Variants in NAV3 observed in about 807,000 individuals in gnomAD.
NAV3 encodes the protein neuron navigator 3, also known as pore membrane and/or filament interacting like protein 1.
NAV3 carries 87 observed loss-of-function variants against 244.7 expected under a neutral mutation model. The observed-to-expected ratio is 0.36, with a 90% CI of 0.30 to 0.42. The LOEUF is 0.42. Among genes scored for constraint, NAV3 ranks in the 20% least tolerant of loss-of-function variants. NAV3 has a pLI of 1.00. For synonymous variants in NAV3, 1,126 were observed against 1,042.2 expected (o/e 1.08, Z -1.55); for missense variants, 2,663 against 2,893.3 (o/e 0.92, Z 1.83).
chr12:78,002,266 C>T (rs903931383), intron 7 of NAV3, among the ~76,000 whole-genome samples: 1 of 152,088 alleles, frequency 6.6e-6, no homozygotes, highest in Non-Finnish European at 1.5e-5. Context: ...AGGTGTTTTT[C>T]CATGTTGCTA....
chr12:78,063,970 A>G (rs1884648821), intron 12 of NAV3, among the ~76,000 whole-genome samples: 1 of 152,178 alleles, frequency 6.6e-6, no homozygotes. Context: ...ATTTCATTTC[A>G]AGGCAAAAGC....
At chr12:77,987,165 C>T (rs1274679679) in intron 5 of NAV3, among the ~76,000 whole-genome samples, 2 of 152,084 alleles carry the variant, frequency 1.3e-5, no homozygotes, top group Non-Finnish European at 2.9e-5. Flanking sequence ...TTGAAGAGAT[C>T]ATATTCTGTA....
chr12:77,769,405 A>G (rs578129762), intron 2 of NAV3, among the ~76,000 whole-genome samples: 51 of 152,342 alleles, frequency 3.3e-4, no homozygotes, highest in African/African-American at 1.1e-3. Context: ...TGGTCATGCA[A>G]TCTGTCAGAA....
At chr12:77,781,029 C>T (rs748687975) in intron 2 of NAV3, among the ~76,000 whole-genome samples, 1 of 152,126 alleles carries the variant, frequency 6.6e-6, no homozygotes, top group Non-Finnish European at 1.5e-5. Flanking sequence ...ATAACAATAA[C>T]CACACATTTA....
chr12:78,027,415 G>A (rs1211062809), intron 9 of NAV3, among the ~76,000 whole-genome samples: 1 of 147,644 alleles, frequency 6.8e-6, no homozygotes, highest in African/African-American at 2.5e-5. Context: ...CTGCACTCAA[G>A]CCTGGGTGAC....
chr12:77,807,979 A>G (rs1872072104), intron 2 of NAV3, among the ~76,000 whole-genome samples: 2 of 152,034 alleles, frequency 1.3e-5, no homozygotes, highest in Non-Finnish European at 2.9e-5. Flanking sequence ...CTATTGATAC[A>G]TGTATATGCT....
intron 1 of NAV3, among the ~76,000 whole-genome samples, chr12:77,897,047 C>T (rs140738488): frequency 2.3e-3 from 355 of 152,264 alleles, no homozygotes; most frequent in African/African-American, 7.8e-3. Flanking sequence ...AATCTCAGAT[C>T]CTGCTCCAGA....
At chr12:77,624,496 T>A (rs1047495404) in intron 2 of NAV3, among the ~76,000 whole-genome samples, 5 of 151,944 alleles carry the variant, frequency 3.3e-5, no homozygotes, top group Non-Finnish European at 4.4e-5. Flanking sequence ...TACTCTATAT[T>A]AAAAAGCCTG....
chr12:78,068,309 T>C (rs1314905685), intron 12 of NAV3, among the ~76,000 whole-genome samples: 1 of 151,750 alleles, frequency 6.6e-6, no homozygotes, highest in Admixed American at 6.6e-5. Flanking sequence ...AATTATTAAT[T>C]TAGATAAAGG....
chr12:78,127,402 A>C (rs530705655), intron 17 of NAV3, among the ~76,000 whole-genome samples, 194 bp downstream of exon 17: 1 of 152,290 alleles, frequency 6.6e-6, no homozygotes, highest in Non-Finnish European at 1.5e-5. Context: ...GTAGAGATTG[A>C]GGCTGTCTCT....
At chr12:78,140,481 AT>A in intron 20 of NAV3, 147 bp downstream of exon 20, 1 of 687,714 alleles carries the variant, frequency 1.5e-6, no homozygotes, top group Non-Finnish European at 2.5e-6. Flanking sequence ...AAGCTGCCCA[AT>A]ACCCAATAAA....
At chr12:78,181,847 A>G (rs1593940197) in intron 30 of NAV3, among the ~76,000 whole-genome samples, 1 of 152,012 alleles carries the variant, frequency 6.6e-6, no homozygotes, top group Non-Finnish European at 1.5e-5. Flanking sequence ...ATTAAAATAC[A>G]GAAGGAGAAG....
rs74107953 is a variant in NAV3, at chr12:78,121,125, G to A, written c.3750-815G>A. On this transcript the variant is annotated intron_variant, in intron 15 of 39. Transcript: ENST00000397909. ...TTCGTCATAAAATATTTCACTGTAGGAAATATGGATTTCATTGCAACTCAA... is the reference window on the plus strand; with the variant it reads ...TTCGTCATAAAATATTTCACTGTAGAAAATATGGATTTCATTGCAACTCAA... Among the ~76,000 whole-genome samples, 467 of 152,186 alleles carry A rather than the reference G, an allele frequency of 3.1e-3. 3 individuals are homozygous for A. The highest frequency in any genetic ancestry group is 0.01 in the African/African-American group (430 of 41,518).
At chr12:77,962,616 A>G (rs959022571) in intron 3 of NAV3, among the ~76,000 whole-genome samples, 1 of 152,048 alleles carries the variant, frequency 6.6e-6, no homozygotes, top group South Asian at 2.1e-4. Flanking sequence ...TATGCCCCGT[A>G]CTGCATACCA....
intron 18 of NAV3, among the ~76,000 whole-genome samples, chr12:78,135,238 C>G (rs1452114592): frequency 1.3e-5 from 2 of 152,186 alleles, no homozygotes; most frequent in East Asian, 3.9e-4. Flanking sequence ...ACTGGCTACT[C>G]TTGAAATCAG....
At chr12:77,625,747 G>A (rs1318522008) in intron 2 of NAV3, among the ~76,000 whole-genome samples, 2 of 152,112 alleles carry the variant, frequency 1.3e-5, no homozygotes, top group East Asian at 3.9e-4. Context: ...CCTAATCAAA[G>A]CCAAAGTATC....
At chr12:78,090,952 T>TTG (rs1566117092) in intron 12 of NAV3, among the ~76,000 whole-genome samples, 5 of 114,052 alleles carry the variant, frequency 4.4e-5, no homozygotes, top group Non-Finnish European at 9.1e-5. Context: ...CTGTGCTGTA[T>TTG]TCTGTGTGTG....
chr12:77,775,081 G>A (rs1419309914), intron 2 of NAV3, among the ~76,000 whole-genome samples: 1 of 152,088 alleles, frequency 6.6e-6, no homozygotes. Context: ...CTTTAGACAT[G>A]GATATTCCAC....
chr12:77,870,083 T>C (rs1318873304), intron 1 of NAV3, among the ~76,000 whole-genome samples: 1 of 152,104 alleles, frequency 6.6e-6, no homozygotes, highest in Non-Finnish European at 1.5e-5. Flanking sequence ...AAGTTTCTAA[T>C]AAGCCGGGCG....
Sources: allele counts gnomAD v4.1 joint callset (sites outside exome capture counted in the v4.1 genomes callset), GRCh38; gene constraint gnomAD v4.1.1; transcripts MANE v1.5; gene names NCBI Gene and HGNC (gene_info 2026-07-23, HGNC 2026-07-21).